Variants in LRRC7 observed in about 807,000 individuals in gnomAD.
LRRC7 encodes the protein leucine-rich repeat-containing protein 7.
A neutral mutation model predicts 175.7 loss-of-function variants in LRRC7; 23 were observed. The observed-to-expected ratio is 0.13, with a 90% CI of 0.09 to 0.19. The LOEUF (loss-of-function observed/expected upper bound fraction) is 0.19, where lower values mean the gene tolerates loss of function less well. Ranked by LOEUF, LRRC7 falls within the 10% of genes least tolerant of loss-of-function variation. The pLI is 1.00. For synonymous variants in LRRC7, 685 were observed against 680.9 expected (o/e 1.01, Z -0.09); for missense variants, 1,354 against 1,904.7 (o/e 0.71, Z 5.38).
chr1:70,068,668 G>T (rs937489982), intron 23 of LRRC7, among the ~76,000 whole-genome samples: 2 of 151,842 alleles, frequency 1.3e-5, no homozygotes, highest in Admixed American at 6.6e-5. Flanking sequence ...AAATAAAGAA[G>T]TATTCTCTCT....
chr1:69,639,927 A>G (rs1273076117), intron 1 of LRRC7, among the ~76,000 whole-genome samples: 1 of 151,784 alleles, frequency 6.6e-6, no homozygotes, highest in African/African-American at 2.4e-5. Flanking sequence ...TGGGAAAATA[A>G]AAACGTGCAG....
intron 4 of LRRC7, among the ~76,000 whole-genome samples, chr1:69,808,518 C>T (rs902149668): frequency 2.0e-5 from 3 of 152,062 alleles, no homozygotes; most frequent in Non-Finnish European, 2.9e-5. Flanking sequence ...GGAAGTAAAA[C>T]ACTTCTCAGC....
chr1:70,098,747 T>TA (rs1458458400), intron 25 of LRRC7, among the ~76,000 whole-genome samples: 1 of 151,418 alleles, frequency 6.6e-6, no homozygotes, highest in Non-Finnish European at 1.5e-5. Context: ...CCTTGACACA[T>TA]ACACTCTCCC....
chr1:69,599,216 C>T (rs1470436861), intron 1 of LRRC7, among the ~76,000 whole-genome samples: 3 of 151,928 alleles, frequency 2.0e-5, no homozygotes, highest in African/African-American at 4.8e-5. Context: ...TTGGAGTTTA[C>T]GCCCATTTCT....
intron 1 of LRRC7, among the ~76,000 whole-genome samples, chr1:69,657,729 G>T (rs1047930960): frequency 1.3e-5 from 2 of 151,876 alleles, no homozygotes; most frequent in African/African-American, 4.8e-5. Context: ...TCATGCAGAT[G>T]AATTTTCTTC....
intron 1 of LRRC7, among the ~76,000 whole-genome samples, chr1:69,638,304 C>T (rs567341438): frequency 6.6e-6 from 1 of 151,902 alleles, no homozygotes; most frequent in Non-Finnish European, 1.5e-5. Context: ...TGAATACAGA[C>T]TATTATTGTC....
chr1:69,796,536 G>A (rs749633623), intron 4 of LRRC7, among the ~76,000 whole-genome samples: 1 of 152,074 alleles, frequency 6.6e-6, no homozygotes, highest in Admixed American at 6.6e-5. Context: ...TGTAATCCCA[G>A]TACTTTGGGA....
At chr1:69,617,547 T>TAAAAAAAAAAAAAAAAAAAAAAAAAAAA (rs11473590) in intron 1 of LRRC7, among the ~76,000 whole-genome samples, 6 of 62,004 alleles carry the variant, frequency 9.7e-5, no homozygotes, top group Non-Finnish European at 1.8e-4. Flanking sequence ...ATACTCACAG[T>TAAAAAAAAAAAAAAAAAAAAAAAAAAAA]AAAAAAAAAA....
chr1:69,570,597 C>G (rs924842396), intron 1 of LRRC7, among the ~76,000 whole-genome samples: 3 of 152,136 alleles, frequency 2.0e-5, no homozygotes, highest in African/African-American at 7.2e-5. Flanking sequence ...CCAAGTGTCA[C>G]GCCTCCGTCC....
At chr1:69,641,175 C>A (rs1228485661) in intron 1 of LRRC7, among the ~76,000 whole-genome samples, 1 of 151,578 alleles carries the variant, frequency 6.6e-6, no homozygotes, top group Non-Finnish European at 1.5e-5. Context: ...CACTCTGGAA[C>A]AACAGTACTC....
At chr1:70,026,489 T>A (rs1328260191) in intron 17 of LRRC7, among the ~76,000 whole-genome samples, 1 of 152,146 alleles carries the variant, frequency 6.6e-6, no homozygotes, top group East Asian at 1.9e-4. Context: ...TGCATCCCAA[T>A]GGACTTTGTC....
At chr1:69,611,691 C>A (rs1043346944) in intron 1 of LRRC7, among the ~76,000 whole-genome samples, 2 of 151,970 alleles carry the variant, frequency 1.3e-5, no homozygotes, top group South Asian at 2.1e-4. Flanking sequence ...CACATGGAAC[C>A]CTTTTTGCTC....
At chr1:69,965,742 A>G (rs948075025) in intron 8 of LRRC7, among the ~76,000 whole-genome samples, 1 of 152,176 alleles carries the variant, frequency 6.6e-6, no homozygotes, top group African/African-American at 2.4e-5. Context: ...TTCATCATCA[A>G]AGAAATTAAC....
At chr1:69,792,240 T>A in intron 4 of LRRC7, 80 bp downstream of exon 4, 1 of 809,166 alleles carries the variant, frequency 1.2e-6, no homozygotes, top group South Asian at 1.7e-5. Context: ...TAGCAAATAA[T>A]CTAAAATAAC....
chr1:69,804,654 G>A (rs1424620147), intron 4 of LRRC7, among the ~76,000 whole-genome samples: 1 of 151,388 alleles, frequency 6.6e-6, no homozygotes, highest in Non-Finnish European at 1.5e-5. Flanking sequence ...AATTCTTTTT[G>A]TTCCCTAATT....
In LRRC7 at chr1:70,126,794, G is replaced by T. The variant is rs1466641002; in HGVS notation, c.*4907G>T. 6.6e-6 allele frequency among the ~76,000 whole-genome samples: 1 copy of T among 152,112 alleles called. No individual in the cohort carries two copies. Among genetic ancestry groups the T allele is most frequent in the African/African-American group, 2.4e-5 (1 of 41,402 alleles). On this transcript the variant is annotated 3_prime_UTR_variant, in exon 27 of 27. Transcript: ENST00000651989. ...AGATGCACCACTTGTACAAACTAAG[G>T]TAGATGCAATCAAGTTTTCCAGTCA...
At chr1:70,074,872 TAATTA>T (rs74261251) in intron 23 of LRRC7, among the ~76,000 whole-genome samples, 11,849 of 152,202 alleles carry the variant, frequency 0.078, 552 homozygotes, top group South Asian at 0.18. Context: ...AACTTTAAAA[TAATTA>T]AATTTAATCT....
intron 7 of LRRC7, among the ~76,000 whole-genome samples, chr1:69,850,787 G>A (rs576551082): frequency 2.6e-5 from 4 of 152,052 alleles, no homozygotes; most frequent in Non-Finnish European, 4.4e-5. Flanking sequence ...TATTGGCAAT[G>A]GAAAGTTTGA....
At chr1:69,620,965 A>G (rs1650470112) in intron 1 of LRRC7, among the ~76,000 whole-genome samples, 1 of 152,168 alleles carries the variant, frequency 6.6e-6, no homozygotes. Context: ...ATCCCCTGGA[A>G]TTAGAATTCA....
Sources: gnomAD v4.1 joint callset for allele counts (sites outside exome capture counted in the v4.1 genomes callset) on GRCh38, gnomAD v4.1.1 for gene constraint, MANE v1.5 for transcripts, NCBI Gene and HGNC (gene_info 2026-07-23, HGNC 2026-07-21) for gene names.